USH2A: variants seen among roughly 807,000 people sequenced by gnomAD.
USH2A encodes the protein usherin.
Under a neutral mutation model 538.9 loss-of-function variants are expected in USH2A, and 443 were observed. The observed-to-expected ratio is 0.82, with a 90% CI of 0.76 to 0.89. The LOEUF (loss-of-function observed/expected upper bound fraction) is 0.89. Ranked by LOEUF, USH2A falls within the 40% of genes least tolerant of loss-of-function variation. USH2A has a pLI of 0.00. For missense variants in USH2A, 6,633 were observed against 6,324.8 expected (o/e 1.05, Z -1.65); for synonymous variants, 2,413 against 2,273.5 (o/e 1.06, Z -1.75).
chr1:216,312,470 C>T (rs372397686), intron 9 of USH2A, among the ~76,000 whole-genome samples: 4 of 151,892 alleles, frequency 2.6e-5, no homozygotes, highest in Admixed American at 2.0e-4. Flanking sequence ...AGATATTCTG[C>T]TCTATTTGTT....
chr1:215,951,890 C>T (rs1028319379), intron 37 of USH2A, among the ~76,000 whole-genome samples: 2 of 151,076 alleles, frequency 1.3e-5, no homozygotes, highest in Non-Finnish European at 2.9e-5. Flanking sequence ...CGGAGTCTTG[C>T]TCTGTCGCCC....
chr1:215,959,359 A>G (rs1414458973), intron 37 of USH2A, among the ~76,000 whole-genome samples: 2 of 152,188 alleles, frequency 1.3e-5, no homozygotes, highest in East Asian at 1.9e-4. Context: ...TGCTCATTTC[A>G]TGAGCATTTA....
chr1:215,849,807 A>C (rs185725174), intron 44 of USH2A, among the ~76,000 whole-genome samples: 13 of 152,342 alleles, frequency 8.5e-5, no homozygotes, highest in African/African-American at 3.1e-4. Context: ...AACAATTTCA[A>C]CAAGTTTTGA....
chr1:215,959,757 T>C (rs1667151873), intron 37 of USH2A, among the ~76,000 whole-genome samples: 1 of 152,124 alleles, frequency 6.6e-6, no homozygotes, highest in African/African-American at 2.4e-5. Flanking sequence ...CATTTGAAGA[T>C]GAAAACTAAG....
chr1:215,881,071 A>G (rs1370452646), intron 41 of USH2A, among the ~76,000 whole-genome samples: 1 of 152,052 alleles, frequency 6.6e-6, no homozygotes. Flanking sequence ...GCACCATTGA[A>G]CTCCAGCCTG....
At chr1:215,834,970 A>T in intron 47 of USH2A, among the ~76,000 whole-genome samples, 1 of 150,780 alleles carries the variant, frequency 6.6e-6, no homozygotes. Context: ...CACCCTTTTA[A>T]TTTCCATGAA....
chr1:216,054,377 G>A (rs975372181), intron 30 of USH2A, among the ~76,000 whole-genome samples: 1 of 151,976 alleles, frequency 6.6e-6, no homozygotes, highest in African/African-American at 2.4e-5. Flanking sequence ...GCAGCCTGAC[G>A]ACCTAAGACA....
At chr1:216,231,233 C>CATAT (rs370102534) in intron 14 of USH2A, among the ~76,000 whole-genome samples, 62 of 49,312 alleles carry the variant, frequency 1.3e-3, no homozygotes, top group East Asian at 4.9e-3. Flanking sequence ...ACATATATCC[C>CATAT]ATATATATAT....
intron 3 of USH2A, among the ~76,000 whole-genome samples, chr1:216,375,672 T>C (rs2038804024): frequency 6.6e-6 from 1 of 152,200 alleles, no homozygotes; most frequent in Admixed American, 6.6e-5. Context: ...ACTTTAATTT[T>C]CCCTCAAGAA....
chr1:215,635,547 A>ATTTATTTT (rs1656452653), intron 69 of USH2A, among the ~76,000 whole-genome samples: 2 of 149,262 alleles, frequency 1.3e-5, no homozygotes, highest in African/African-American at 5.0e-5. Context: ...TTATTTATTT[A>ATTTATTTT]TTTATTTATT....
At chr1:215,905,970 T>C (rs2102474538) in intron 38 of USH2A, among the ~76,000 whole-genome samples, 1 of 152,218 alleles carries the variant, frequency 6.6e-6, no homozygotes, top group South Asian at 2.1e-4. Flanking sequence ...TTTTCCGAAA[T>C]AGCTACATAT....
At chr1:216,172,171 A>T (rs17026219) in intron 21 of USH2A, among the ~76,000 whole-genome samples, 8 of 151,978 alleles carry the variant, frequency 5.3e-5, no homozygotes, top group African/African-American at 1.7e-4. Context: ...CAAATATGAA[A>T]GAGGCATAAG....
intron 55 of USH2A, among the ~76,000 whole-genome samples, chr1:215,769,179 C>T (rs2102750295): frequency 6.6e-6 from 1 of 152,170 alleles, no homozygotes; most frequent in Admixed American, 6.5e-5. Context: ...TTCCTGAATG[C>T]CAGATGTAAA....
intron 27 of USH2A, among the ~76,000 whole-genome samples, chr1:216,076,437 C>A (rs1043764625): frequency 6.6e-6 from 1 of 152,060 alleles, no homozygotes; most frequent in Admixed American, 6.6e-5. Context: ...GTTTTAGCCA[C>A]GTCTTTAGGA....
At chr1:216,332,553 C>G (rs142574764) in intron 4 of USH2A, among the ~76,000 whole-genome samples, 1 of 152,220 alleles carries the variant, frequency 6.6e-6, no homozygotes, top group East Asian at 1.9e-4. Flanking sequence ...CACCTCAGCT[C>G]GACTTTGAGG....
chr1:215,719,736 A>G (rs2102705769), intron 61 of USH2A, among the ~76,000 whole-genome samples: 1 of 152,332 alleles, frequency 6.6e-6, no homozygotes, highest in Middle Eastern at 3.4e-3. Context: ...CTATGAGATA[A>G]GCAACATTTT....
At chr1:215,767,290 CCT>C (rs1477512368) in intron 55 of USH2A, among the ~76,000 whole-genome samples, 19 of 152,166 alleles carry the variant, frequency 1.2e-4, no homozygotes, top group African/African-American at 3.6e-4. Context: ...TCAAATCCCC[CCT>C]GAGTCTTCTC....
intron 11 of USH2A, among the ~76,000 whole-genome samples, chr1:216,274,382 T>C (rs2036629602): frequency 6.6e-6 from 1 of 152,134 alleles, no homozygotes; most frequent in Admixed American, 6.6e-5. Flanking sequence ...ACACAAAAAA[T>C]CTATATCTAT....
At chr1:215,634,183 A>G (rs900475819) in intron 70 of USH2A, among the ~76,000 whole-genome samples, 1 of 152,196 alleles carries the variant, frequency 6.6e-6, no homozygotes, top group Non-Finnish European at 1.5e-5. Context: ...GAAGAAAAGA[A>G]TACCAATCTT....
Sources: gnomAD v4.1 joint callset for allele counts (sites outside exome capture counted in the v4.1 genomes callset) on GRCh38, gnomAD v4.1.1 for gene constraint, MANE v1.5 for transcripts, NCBI Gene and HGNC (gene_info 2026-07-23, HGNC 2026-07-21) for gene names.